Variants in JPH4 observed in about 807,000 individuals in gnomAD.
JPH4 encodes junctophilin 4.
Under a neutral mutation model 57.6 loss-of-function variants are expected in JPH4, and 18 were observed. That is an observed-to-expected ratio of 0.31 (90% CI 0.22 to 0.46). The LOEUF (loss-of-function observed/expected upper bound fraction) is 0.46. JPH4 is among the 20% of genes least tolerant of loss of function. JPH4 has a pLI of 1.00. For synonymous variants in JPH4, 425 were observed against 406.6 expected (o/e 1.05, Z -0.54); for missense variants, 727 against 911.1 (o/e 0.80, Z 2.60).
chr14:23,577,334 G>T lies in JPH4; in HGVS notation c.120C>A (p.Ser40Arg). ...ACTCGAAGCCGTGTGCCCAGCAGCC[G>T]CTGTACTCGCCCTGGGCGCCGGGGC... is the stretch of plus-strand genomic sequence containing the variant. ...CTGPGAQGEYSGCWAHGFESL... is the reference protein window; with the variant it reads ...CTGPGAQGEYRGCWAHGFESL... The change falls in exon 2 of 6, where the codon AGC becomes AGA. Residue 40 changes from serine (S) to arginine (R), a missense_variant. Around this residue, in one of 7 missense-constraint regions of JPH4, gnomAD observed 83 missense variants for 135.4 expected, o/e 0.61. Coordinates refer to ENST00000356300, the MANE Select transcript of JPH4 (RefSeq NM_001146028.2). This position sits in a 1 kb window ranked among gnomAD's most constrained non-coding sequence, Gnocchi z 8.4. The T allele has an allele frequency of 4.6e-6, 7 of 1,533,542 alleles. No individual in the cohort carries two copies. Among genetic ancestry groups the T allele is most frequent in the African/African-American group, 1.4e-5 (1 of 72,170 alleles). 95.0% of individuals were successfully genotyped at this position (1,533,542 alleles called of 1,614,324 possible).
intron 5 of JPH4, among the ~76,000 whole-genome samples, chr14:23,570,639 G>A (rs1193815110): frequency 6.6e-6 from 1 of 152,070 alleles, no homozygotes; most frequent in African/African-American, 2.4e-5. Flanking sequence ...CTCCCAAAGT[G>A]TTGGGATTAC....
chr14:23,575,788 C>T lies in JPH4; in HGVS notation c.1048G>A (p.Ala350Thr). 6.3e-7 allele frequency: 1 copy of T among 1,595,798 alleles called. No homozygotes were observed. Among genetic ancestry groups the T allele is most frequent in the Non-Finnish European group, 8.5e-7 (1 of 1,172,746 alleles). The change falls in exon 3 of 6, where the codon GCC becomes ACC. Residue 350 changes from alanine (A) to threonine (T), a missense_variant. Ala to Thr is a moderately conservative substitution (Grantham distance 58). Coordinates refer to ENST00000356300, the MANE Select transcript of JPH4 (RefSeq NM_001146028.2). This position sits in a 1 kb window ranked among gnomAD's most constrained non-coding sequence, Gnocchi z 6.9. ...GGRVRSLLPL[A>T]LRRGKVKEKV... ...TCCTTAACCTTGCCCCGCCGAAGGG[C>T]CAGAGGCAGGAGACTGCGGACGCGC...
Position 23,568,146 on chromosome 14 carries a change from T to G in JPH4, c.*1488A>C. The stretch of plus-strand genomic sequence containing the variant: ...GTTGTAGTTTAACTTCAATCCCAAA[T>G]TCCATGAAATAGAAATCAGAAGTAA... On this transcript the variant is annotated 3_prime_UTR_variant, in exon 6 of 6. Transcript: ENST00000356300. The G allele has an allele frequency of 1.0e-6, 1 of 985,746 alleles. No homozygotes were observed. The highest frequency in any genetic ancestry group is 1.2e-6 in the Non-Finnish European group (1 of 829,896). 61.1% of individuals were successfully genotyped at this position (985,746 alleles called of 1,614,324 possible).
Position 23,576,502 on chromosome 14 carries a change from G to A in JPH4, c.380-46C>T. 7.4e-7 allele frequency: 1 copy of A among 1,348,734 alleles called. No homozygotes were observed. The highest frequency in any genetic ancestry group is 9.5e-7 in the Non-Finnish European group (1 of 1,052,338). 83.5% of individuals were successfully genotyped at this position (1,348,734 alleles called of 1,614,324 possible). On this transcript the variant is annotated intron_variant, in intron 2 of 5. Transcript: ENST00000356300. The surrounding 1 kb of genome is among the most constrained non-coding windows in gnomAD (Gnocchi z 8.0). ...GGAGAAAGAGTCAGGACGTGCCGCT[G>A]GGCTCCTTGCGCCCCAAGTCCCAAG...
In JPH4 at chr14:23,573,727, T is replaced by C. The variant is rs142009256; in HGVS notation, c.1152-1807A>G. ...GACCAACCAACCTCCTCCCACTGCC[T>C]GATCCTCTAGTTACTGAGATCAGTT... On this transcript the variant is annotated intron_variant, in intron 3 of 5. Coordinates refer to ENST00000356300, the MANE Select transcript of JPH4 (RefSeq NM_001146028.2). 2.7e-3 allele frequency among the ~76,000 whole-genome samples: 408 copies of C among 152,262 alleles called. 2 individuals are homozygous for C. Among genetic ancestry groups the C allele is most frequent in the African/African-American group, 9.2e-3 (382 of 41,544 alleles).
chr14:23,577,478 C>T lies in JPH4; in HGVS notation c.-25G>A. The T allele has an allele frequency of 7.2e-7, 1 of 1,393,184 alleles. No homozygotes were observed. The highest frequency in any genetic ancestry group is 9.3e-7 in the Non-Finnish European group (1 of 1,078,098). 86.3% of individuals were successfully genotyped at this position (1,393,184 alleles called of 1,614,324 possible). A position where few individuals can be genotyped will look rare whatever the true frequency, so the allele number is the denominator to read the frequency against. ...TGCATGTAGTTGGCGCGGCCTCAGC[C>T]CCCCGGCGGCTCAGCGCATCCTGGG... On this transcript the variant is annotated 5_prime_UTR_variant, in exon 2 of 6. Coordinates refer to ENST00000356300, the MANE Select transcript of JPH4 (RefSeq NM_001146028.2). This position sits in a 1 kb window ranked among gnomAD's most constrained non-coding sequence, Gnocchi z 8.4.
Position 23,575,838 on chromosome 14 carries a change from T to A in JPH4, c.998A>T (p.Lys333Met). ...CCCGCCGTGCACCAGCCGGTTGCGC[T>A]TGTACTTGCCCTCCTCGCGGGAGCC... Reference protein sequence around the residue: ...PDGSREEGKYKRNRLVHGGRV... With the variant: ...PDGSREEGKYMRNRLVHGGRV... The change falls in exon 3 of 6, where the codon AAG becomes ATG. Residue 333 changes from lysine (K) to methionine (M), a missense_variant. Lys to Met is a moderately conservative substitution (Grantham distance 95, BLOSUM62 -1). Transcript: ENST00000356300. This position sits in a 1 kb window ranked among gnomAD's most constrained non-coding sequence, Gnocchi z 6.9. 1 of 1,589,706 alleles carries A rather than the reference T, an allele frequency of 6.3e-7. No individual in the cohort carries two copies. The highest frequency in any genetic ancestry group is 8.5e-7 in the Non-Finnish European group (1 of 1,170,312).
At position 23,577,288 on chromosome 14, in the gene JPH4, G is replaced by A. The variant is rs1389246014; in HGVS notation, c.166C>T (p.Pro56Ser). The change falls in exon 2 of 6, where the codon CCC becomes TCC. Residue 56 changes from proline (P) to serine (S), a missense_variant. Coordinates refer to ENST00000356300, the MANE Select transcript of JPH4 (RefSeq NM_001146028.2). This position sits in a 1 kb window ranked among gnomAD's most constrained non-coding sequence, Gnocchi z 8.4. ...GFESLGVFTGPGGHSYQGHWQ... is the reference protein window; with the variant it reads ...GFESLGVFTGSGGHSYQGHWQ... The stretch of plus-strand genomic sequence containing the variant: ...TGGCCCTGGTAGCTGTGTCCGCCGG[G>A]CCCCGTGAAGACGCCCAGTGACTCG... The A allele has an allele frequency of 6.5e-7, 1 of 1,537,226 alleles. No homozygotes were observed. The highest frequency in any genetic ancestry group is 2.0e-5 in the Admixed American group (1 of 50,934).
chr14:23,575,812 G>A lies in JPH4; in HGVS notation c.1024C>T (p.Arg342Cys). The A allele has an allele frequency of 6.3e-7, 1 of 1,578,618 alleles. No individual in the cohort carries two copies. Among genetic ancestry groups the A allele is most frequent in the Non-Finnish European group, 8.6e-7 (1 of 1,164,964 alleles). The change falls in exon 3 of 6, where the codon CGC becomes TGC. Residue 342 changes from arginine to cysteine, a missense_variant. This residue lies in a region of JPH4 where 112 missense variants were observed against 199.4 expected (regional missense o/e 0.56). Coordinates refer to ENST00000356300, the MANE Select transcript of JPH4 (RefSeq NM_001146028.2). The surrounding 1 kb of genome is among the most constrained non-coding windows in gnomAD (Gnocchi z 6.9). ...GCCAGAGGCAGGAGACTGCGGACGC[G>A]CCCGCCGTGCACCAGCCGGTTGCGC... Reference protein sequence around the residue: ...YKRNRLVHGGRVRSLLPLALR... With the variant: ...YKRNRLVHGGCVRSLLPLALR...
chr14:23,570,712 C>A (rs1889109929), intron 5 of JPH4, among the ~76,000 whole-genome samples: 1 of 152,206 alleles, frequency 6.6e-6, no homozygotes, highest in Admixed American at 6.5e-5. Flanking sequence ...CTCAGTTCCC[C>A]CATCTGTCAA....
Position 23,571,006 on chromosome 14 carries a change from C to T in JPH4, c.1725G>A (p.Ser575=), listed in dbSNP as rs144311601. ...EPIAMLVLRG[S]SSRGPDAGCL... is the part of the protein sequence containing the mutation. ...ACCCAGCATCAGGACCCCTCGAGGA[C>T]GAGCCCCTCAGGACCAGCATGGCGA... The change falls in exon 5 of 6, where the codon TCG becomes TCA. Residue 575 remains serine (S), a synonymous_variant. Transcript: ENST00000356300. The surrounding 1 kb of genome is among the most constrained non-coding windows in gnomAD (Gnocchi z 4.6). The T allele has an allele frequency of 3.6e-5, 57 of 1,562,504 alleles. No individual in the cohort carries two copies. Among genetic ancestry groups the T allele is most frequent in the Non-Finnish European group, 4.4e-5 (51 of 1,153,070 alleles).
rs754667588 is a variant in JPH4, at chr14:23,578,387, G to C, written c.-379C>G. 6.6e-6 allele frequency: 1 copy of C among 151,790 alleles called. No individual in the cohort carries two copies. The highest frequency in any genetic ancestry group is 1.5e-5 in the Non-Finnish European group (1 of 68,024). 9.4% of individuals were successfully genotyped at this position (151,790 alleles called of 1,614,324 possible). ...GGGGGGGCGAGGTAGTGGCAAGGGT[G>C]GGGGAAGATGAGAATAGTGTAGGGG... On this transcript the variant is annotated 5_prime_UTR_variant, in exon 1 of 6. Transcript: ENST00000356300.
Position 23,577,394 on chromosome 14 carries a change from C to T in JPH4, c.60G>A (p.Glu20=), listed in dbSNP as rs1281756477. The T allele has an allele frequency of 3.3e-5, 49 of 1,478,534 alleles. No homozygotes were observed. The highest frequency in any genetic ancestry group is 4.3e-5 in the Non-Finnish European group (48 of 1,117,242). The allele number at this position is 1,478,534 out of a possible 1,614,324, so 91.6% of individuals were successfully genotyped here. Residue 20 remains glutamate (E), a synonymous_variant, in exon 2 of 6, where the codon GAG becomes GAA. Transcript: ENST00000356300. The surrounding 1 kb of genome is among the most constrained non-coding windows in gnomAD (Gnocchi z 8.4). The part of the protein sequence containing the change: ...DDGGCYVGGW[E]AGRAHGYGVC... Reference sequence around the variant, plus strand: ...CGCCGTAGCCATGTGCCCGCCCCGCCTCCCAGCCCCCCACGTAGCAGCCCC... The same window carrying T: ...CGCCGTAGCCATGTGCCCGCCCCGCTTCCCAGCCCCCCACGTAGCAGCCCC...
At position 23,568,828 on chromosome 14, in the gene JPH4, A is replaced by G; in HGVS notation, c.*806T>C. ...ATTATGGGGGAGACAGAAGGGTGGG[A>G]GAAGTCAGTGGCAAAGTCTGGGCAG... On this transcript the variant is annotated 3_prime_UTR_variant, in exon 6 of 6. Transcript: ENST00000356300. The G allele has an allele frequency of 1.0e-6, 1 of 985,464 alleles. No homozygotes were observed. The highest frequency in any genetic ancestry group is 5.2e-4 in the Middle Eastern group (1 of 1,914). 61.0% of individuals were successfully genotyped at this position (985,464 alleles called of 1,614,324 possible). A position where few individuals can be genotyped will look rare whatever the true frequency, so the allele number is the denominator to read the frequency against.
chr14:23,570,714 A>G (rs932012939), intron 5 of JPH4, among the ~76,000 whole-genome samples: 1 of 152,094 alleles, frequency 6.6e-6, no homozygotes, highest in Non-Finnish European at 1.5e-5. Context: ...CAGTTCCCCC[A>G]TCTGTCAAAT....
rs1209042627 is a variant in JPH4 at position 23,576,608 on chromosome 14, A to G, written c.380-152T>C. On this transcript the variant is annotated intron_variant, in intron 2 of 5. Coordinates refer to ENST00000356300, the MANE Select transcript of JPH4 (RefSeq NM_001146028.2). This position sits in a 1 kb window ranked among gnomAD's most constrained non-coding sequence, Gnocchi z 8.0. The stretch of plus-strand genomic sequence containing the variant: ...TCGGGGAAGGGCACTGGGAGCCGGG[A>G]ACAGGCCAGGCTGGGCCGGAAAGTG... 1 of 618,466 alleles carries G rather than the reference A, an allele frequency of 1.6e-6. No homozygotes were observed. The highest frequency in any genetic ancestry group is 1.9e-5 in the African/African-American group (1 of 52,086). The allele number at this position is 618,466 out of a possible 1,614,324, so 38.3% of individuals were successfully genotyped here. A position where few individuals can be genotyped will look rare whatever the true frequency, so the allele number is the denominator to read the frequency against.
In JPH4 at chr14:23,578,399, G is replaced by A. The variant is rs1421892881; in HGVS notation, c.-391C>T. On this transcript the variant is annotated 5_prime_UTR_variant, in exon 1 of 6. Coordinates refer to ENST00000356300, the MANE Select transcript of JPH4 (RefSeq NM_001146028.2). Reference sequence around the variant, plus strand: ...TAGTGGCAAGGGTGGGGGAAGATGAGAATAGTGTAGGGGAAAAAATCTGCC... The same window carrying A: ...TAGTGGCAAGGGTGGGGGAAGATGAAAATAGTGTAGGGGAAAAAATCTGCC... 1 of 151,470 alleles carries A rather than the reference G, an allele frequency of 6.6e-6. No individual in the cohort carries two copies. Among genetic ancestry groups the A allele is most frequent in the Admixed American group, 6.6e-5 (1 of 15,182 alleles). 9.4% of individuals were successfully genotyped at this position (151,470 alleles called of 1,614,324 possible). A position where few individuals can be genotyped will look rare whatever the true frequency, so the allele number is the denominator to read the frequency against.
chr14:23,578,155 A>T (rs1595397182), intron 1 of JPH4, 25 bp downstream of exon 1: 1 of 151,878 alleles, frequency 6.6e-6, no homozygotes, highest in East Asian at 2.0e-4. Flanking sequence ...GCAGACAGGC[A>T]GAAGGGAGGG....
In JPH4 at chr14:23,575,867, G is replaced by A. The variant is rs747161223; in HGVS notation, c.969C>T (p.Pro323=). 100 of 1,576,846 alleles carry A rather than the reference G, an allele frequency of 6.3e-5. No homozygotes were observed. Among genetic ancestry groups the A allele is most frequent in the Non-Finnish European group, 7.9e-5 (92 of 1,164,828 alleles). Reference sequence around the variant, plus strand: ...ACTTGCCCTCCTCGCGGGAGCCGTCGGGGCGGGTGGTGCGCCCGTAGCCGT... The same window carrying A: ...ACTTGCCCTCCTCGCGGGAGCCGTCAGGGCGGGTGGTGCGCCCGTAGCCGT... ...RRHGYGRTTR[P]DGSREEGKYK... is the part of the protein sequence containing the mutation. Residue 323 remains proline, a synonymous_variant, in exon 3 of 6, where the codon CCC becomes CCT. Coordinates refer to ENST00000356300, the MANE Select transcript of JPH4 (RefSeq NM_001146028.2). The surrounding 1 kb of genome is among the most constrained non-coding windows in gnomAD (Gnocchi z 6.9).
Sources: allele counts gnomAD v4.1 joint callset (sites outside exome capture counted in the v4.1 genomes callset), GRCh38; gene constraint gnomAD v4.1.1; regional missense constraint gnomAD v4.1.1; non-coding constraint Gnocchi (gnomAD v3.1); transcripts MANE v1.5; gene names NCBI Gene and HGNC (gene_info 2026-07-23, HGNC 2026-07-21).